SLC4A10: variants seen among roughly 807,000 people sequenced by gnomAD.
SLC4A10 encodes the protein solute carrier family 4 member 10.
In SLC4A10, 42 loss-of-function variants were observed where a neutral mutation model predicts 137.7. The observed-to-expected ratio is 0.30, with a 90% CI of 0.24 to 0.39. SLC4A10 has a LOEUF of 0.39. Among genes scored for constraint, SLC4A10 ranks in the 10% least tolerant of loss-of-function variants. The pLI is 1.00. For missense variants in SLC4A10, 925 were observed against 1,355.0 expected, an observed-to-expected ratio of 0.68 and a Z score of 4.98; for synonymous variants, 474 against 464.1, an observed-to-expected ratio of 1.02 and a Z score of -0.27.
intron 10 of SLC4A10, among the ~76,000 whole-genome samples, chr2:161,884,936 G>T (rs1429608321): frequency 6.6e-6 from 1 of 152,162 alleles, no homozygotes; most frequent in African/African-American, 2.4e-5. Flanking sequence ...CCAGCACTTT[G>T]GGAGGCCAAG....
In SLC4A10 at chr2:161,977,736, C is replaced by T. The variant is rs1699608677; in HGVS notation, c.*2C>T. 1.2e-6 allele frequency: 2 copies of T among 1,601,210 alleles called. No homozygotes were observed. Among genetic ancestry groups the T allele is most frequent in the Admixed American group, 1.7e-5 (1 of 57,800 alleles). ...TTTGTCATAAGCTCCCCTTCCTAAT[C>T]ACTCTAGAAGCTGATTCCCCAAAGG... is the stretch of plus-strand genomic sequence containing the variant. On this transcript the variant is annotated 3_prime_UTR_variant, in exon 26 of 27. Transcript: ENST00000446997.
At chr2:161,710,792 C>T in intron 1 of SLC4A10, 1 of 446,014 alleles carries the variant, frequency 2.2e-6, no homozygotes, top group South Asian at 1.6e-5. Flanking sequence ...TTCTTCAATT[C>T]AGTAAACATA....
At chr2:161,918,802 T>C (rs2105479291) in intron 15 of SLC4A10, among the ~76,000 whole-genome samples, 1 of 152,164 alleles carries the variant, frequency 6.6e-6, no homozygotes, top group Admixed American at 6.5e-5. Flanking sequence ...AGATGCCAGC[T>C]GCAGTAGGGG....
intron 4 of SLC4A10, among the ~76,000 whole-genome samples, chr2:161,845,817 TA>T (rs1274667670): frequency 1.3e-5 from 2 of 152,100 alleles, no homozygotes; most frequent in Non-Finnish European, 2.9e-5. Context: ...ACCATGTACA[TA>T]AAAATTAATT....
chr2:161,733,319 C>A (rs2047001226), intron 1 of SLC4A10, among the ~76,000 whole-genome samples: 1 of 152,166 alleles, frequency 6.6e-6, no homozygotes, highest in African/African-American at 2.4e-5. Flanking sequence ...CCCTGCGTTC[C>A]AGCCACTCCA....
intron 1 of SLC4A10, among the ~76,000 whole-genome samples, chr2:161,676,861 C>T (rs542145481): frequency 8.5e-5 from 13 of 152,168 alleles, no homozygotes; most frequent in East Asian, 1.9e-4. Context: ...CCCTACAGGG[C>T]GTGCTGTATG....
At chr2:161,856,771 C>G (rs1280045789) in intron 5 of SLC4A10, among the ~76,000 whole-genome samples, 1 of 152,026 alleles carries the variant, frequency 6.6e-6, no homozygotes, top group Non-Finnish European at 1.5e-5. Context: ...TTGTAATTAT[C>G]TTTTTAATGC....
intron 1 of SLC4A10, among the ~76,000 whole-genome samples, chr2:161,718,194 A>G (rs1356870403): frequency 6.6e-6 from 1 of 150,698 alleles, no homozygotes; most frequent in African/African-American, 2.4e-5. Context: ...TTTCTTCTTT[A>G]TTAGTCTAGC....
rs1683696360 is a variant in SLC4A10 at position 161,903,857 on chromosome 2, T to A, written c.1443-147T>A. 6 of 768,374 alleles carry A rather than the reference T, an allele frequency of 7.8e-6. No individual in the cohort carries two copies. The South Asian group carries it at 1.2e-4, about 15-fold the overall frequency. The allele number at this position is 768,374 out of a possible 1,614,324, so 47.6% of individuals were successfully genotyped here. A position where few individuals can be genotyped will look rare whatever the true frequency, so the allele number is the denominator to read the frequency against. On this transcript the variant is annotated intron_variant, in intron 12 of 26. Transcript: ENST00000446997. ...TTGTGCAGTGCCTCCCTGTAGATTG[T>A]TATAAGACAATGCAGCAGGTTAATG...
In SLC4A10 at chr2:161,937,625, A is replaced by G. The variant is rs535656415; in HGVS notation, c.1998-5167A>G. Among the ~76,000 whole-genome samples, 3 of 152,298 alleles carry G rather than the reference A, an allele frequency of 2.0e-5. No homozygotes were observed. In the East Asian group the frequency reaches 5.8e-4, roughly 29 times the overall value. The stretch of plus-strand genomic sequence containing the variant: ...TAGTCAAATAATTGTGTAATTGGCT[A>G]CTTAAGATTTCTCTCCTGCATTTAA... On this transcript the variant is annotated intron_variant, in intron 15 of 26. Coordinates refer to ENST00000446997, the MANE Select transcript of SLC4A10 (RefSeq NM_001178015.2).
chr2:161,971,374 T>A lies in SLC4A10; in HGVS notation c.3160-2875T>A, dbSNP rs554147344. On this transcript the variant is annotated intron_variant, in intron 23 of 26. Transcript: ENST00000446997. ...ATTTAAATCATAGCATAAACGTCCCTCTAGTTAAATCAGTGAACTCTCTCA... is the reference window on the plus strand; with the variant it reads ...ATTTAAATCATAGCATAAACGTCCCACTAGTTAAATCAGTGAACTCTCTCA... Among the ~76,000 whole-genome samples, 9 of 152,346 alleles carry A rather than the reference T, an allele frequency of 5.9e-5. No homozygotes were observed. In the East Asian group the frequency reaches 1.7e-3, roughly 29 times the overall value.
At chr2:161,679,803 T>A (rs1277054410) in intron 1 of SLC4A10, among the ~76,000 whole-genome samples, 1 of 151,766 alleles carries the variant, frequency 6.6e-6, no homozygotes, top group Non-Finnish European at 1.5e-5. Context: ...AGAGTATTCT[T>A]CCTGAAAGCT....
intron 15 of SLC4A10, among the ~76,000 whole-genome samples, chr2:161,924,802 A>G (rs929448827): frequency 6.6e-6 from 1 of 152,194 alleles, no homozygotes; most frequent in Non-Finnish European, 1.5e-5. Flanking sequence ...AACACATGCC[A>G]TTGTATTCAC....
intron 1 of SLC4A10, among the ~76,000 whole-genome samples, chr2:161,654,560 A>G (rs962868784): frequency 6.6e-6 from 1 of 152,080 alleles, no homozygotes; most frequent in Admixed American, 6.6e-5. Flanking sequence ...TTTTTTGTAA[A>G]TGGTATACGG....
At chr2:161,665,936 T>TTA (rs1006150161) in intron 1 of SLC4A10, among the ~76,000 whole-genome samples, 259 of 147,324 alleles carry the variant, frequency 1.8e-3, no homozygotes, top group Non-Finnish European at 3.3e-3. Context: ...ATAGACTACA[T>TTA]TATATATATA....
At chr2:161,845,051 T>G (rs567800189) in intron 4 of SLC4A10, among the ~76,000 whole-genome samples, 2 of 152,252 alleles carry the variant, frequency 1.3e-5, no homozygotes, top group Non-Finnish European at 2.9e-5. Context: ...AGAGTTTATT[T>G]GAAAACTGGA....
At chr2:161,977,631 C>G in intron 25 of SLC4A10, 91 bp from the exon 26 acceptor site, 2 of 1,041,790 alleles carry the variant, frequency 1.9e-6, no homozygotes, top group South Asian at 3.3e-5. Flanking sequence ...GGAATTGGGA[C>G]AGTGTTTACT....
At chr2:161,869,797 G>T (rs1469433224) in intron 6 of SLC4A10, among the ~76,000 whole-genome samples, 1 of 151,526 alleles carries the variant, frequency 6.6e-6, no homozygotes, top group Admixed American at 6.6e-5. Context: ...ATTTAATTAT[G>T]AATATTAACG....
chr2:161,766,426 T>C (rs570499490), intron 1 of SLC4A10, among the ~76,000 whole-genome samples: 221 of 152,224 alleles, frequency 1.5e-3, no homozygotes, highest in African/African-American at 5.1e-3. Context: ...GTTTCACTGC[T>C]TAGGGGAAAA....
Sources: gnomAD v4.1 joint callset for allele counts (sites outside exome capture counted in the v4.1 genomes callset) on GRCh38, gnomAD v4.1.1 for gene constraint, MANE v1.5 for transcripts, NCBI Gene and HGNC (gene_info 2026-07-23, HGNC 2026-07-21) for gene names.